The following ITGA1 variants were observed in gnomAD, a reference collection of about 807,000 sequenced individuals.
The protein encoded by ITGA1 is integrin alpha-1.
ITGA1 carries 85 observed loss-of-function variants against 145.9 expected under a neutral mutation model. That is an observed-to-expected ratio of 0.58 (90% CI 0.49 to 0.70). The LOEUF is 0.70. Among genes scored for constraint, ITGA1 ranks in the 30% least tolerant of loss-of-function variants. The pLI is 0.00. For synonymous variants in ITGA1, 520 were observed against 495.3 expected (o/e 1.05, Z -0.66); for missense variants, 1,351 against 1,418.7 (o/e 0.95, Z 0.77).
chr5:52,941,293 T>C (rs1391653765), intron 26 of ITGA1, among the ~76,000 whole-genome samples: 1 of 152,228 alleles, frequency 6.6e-6, no homozygotes, highest in Non-Finnish European at 1.5e-5. Flanking sequence ...ATACACCCAG[T>C]AATGGGATTG....
intron 6 of ITGA1, among the ~76,000 whole-genome samples, chr5:52,879,332 A>G (rs1374295921): frequency 1.3e-5 from 2 of 152,162 alleles, no homozygotes; most frequent in African/African-American, 2.4e-5. Context: ...AAGGGGAAGA[A>G]AAACAAAGCA....
At position 52,915,598 on chromosome 5, in the gene ITGA1, T is replaced by C. The variant is rs1750633992; in HGVS notation, c.1988+4T>C. On this transcript the variant is annotated splice_donor_region_variant and intron_variant, in intron 15 of 28. Coordinates refer to ENST00000282588, the MANE Select transcript of ITGA1 (RefSeq NM_181501.2). Reference sequence around the variant, plus strand: ...TTGGTGGTGCTGCCCTCTTCTGGTATGTATTTTAATAACATCCTGTTAATC... The same window carrying C: ...TTGGTGGTGCTGCCCTCTTCTGGTACGTATTTTAATAACATCCTGTTAATC... The C allele has an allele frequency of 3.7e-6, 6 of 1,613,432 alleles. No individual in the cohort carries two copies. The highest frequency in any genetic ancestry group is 4.2e-6 in the Non-Finnish European group (5 of 1,179,744).
At chr5:52,938,459 A>C (rs2111898296) in intron 24 of ITGA1, among the ~76,000 whole-genome samples, 1 of 152,342 alleles carries the variant, frequency 6.6e-6, no homozygotes, top group Admixed American at 6.5e-5. Flanking sequence ...CCAGAAATCA[A>C]GAAATAGCAA....
At chr5:52,834,560 G>GAGAAAGAGAGA (rs1554042406) in intron 1 of ITGA1, among the ~76,000 whole-genome samples, 2 of 130,690 alleles carry the variant, frequency 1.5e-5, no homozygotes, top group Non-Finnish European at 3.3e-5. Context: ...GAAAGAGAGA[G>GAGAAAGAGAGA]AGAAAGAGAG....
intron 6 of ITGA1, among the ~76,000 whole-genome samples, chr5:52,867,376 G>A (rs1341505193): frequency 6.6e-6 from 1 of 152,118 alleles, no homozygotes; most frequent in Non-Finnish European, 1.5e-5. Context: ...GTTGAAATCA[G>A]TGTAAAATCA....
intron 6 of ITGA1, among the ~76,000 whole-genome samples, chr5:52,869,351 G>C (rs1003436079): frequency 1.3e-5 from 2 of 152,100 alleles, no homozygotes; most frequent in African/African-American, 2.4e-5. Context: ...AGTAGAGATA[G>C]GGTTTCGCCA....
chr5:52,863,521 C>T (rs1173349779), intron 3 of ITGA1, among the ~76,000 whole-genome samples: 2 of 152,120 alleles, frequency 1.3e-5, no homozygotes, highest in Non-Finnish European at 2.9e-5. Flanking sequence ...AACACAAAAG[C>T]ACAAAACTCA....
intron 1 of ITGA1, among the ~76,000 whole-genome samples, chr5:52,832,587 T>A (rs894708164): frequency 2.0e-4 from 31 of 152,280 alleles, no homozygotes; most frequent in African/African-American, 7.5e-4. Flanking sequence ...ATCTCCATAT[T>A]TTCTTACACC....
chr5:52,933,973 A>C lies in ITGA1; in HGVS notation c.2941A>C (p.Asn981His), dbSNP rs755410920. ...TATTAATTCTACTGAGGACATTGGA[A>C]ATGAAATTAATATCTTCTACTTGGT... ...EVINSTEDIG[N>H]EINIFYLIRK... is the part of the protein sequence containing the mutation. The change falls in exon 23 of 29, where the codon AAT becomes CAT. Residue 981 changes from asparagine to histidine, a missense_variant. By Grantham distance (68) the Asn-to-His change is moderately conservative. Coordinates refer to ENST00000282588, the MANE Select transcript of ITGA1 (RefSeq NM_181501.2). 5 of 1,468,476 alleles carry C rather than the reference A, an allele frequency of 3.4e-6. No homozygotes were observed. The highest frequency in any genetic ancestry group is 1.9e-5 in the Admixed American group (1 of 51,988). The allele number at this position is 1,468,476 out of a possible 1,614,324, so 91.0% of individuals were successfully genotyped here.
chr5:52,812,003 G>A (rs1476849479), intron 1 of ITGA1, among the ~76,000 whole-genome samples: 1 of 152,130 alleles, frequency 6.6e-6, no homozygotes, highest in Admixed American at 6.6e-5. Context: ...AGCTCCTCAG[G>A]TGCTTCTTAT....
At chr5:52,899,466 A>G (rs1457659251) in intron 11 of ITGA1, among the ~76,000 whole-genome samples, 1 of 152,194 alleles carries the variant, frequency 6.6e-6, no homozygotes, top group African/African-American at 2.4e-5. Context: ...AAAATCTCTT[A>G]AGACATGTAG....
chr5:52,948,653 C>T (rs1439595258), intron 28 of ITGA1, among the ~76,000 whole-genome samples: 2 of 152,218 alleles, frequency 1.3e-5, no homozygotes, highest in Non-Finnish European at 2.9e-5. Flanking sequence ...GATCAGTGTT[C>T]TCTCTGTAAT....
chr5:52,801,712 A>G (rs1404292810), intron 1 of ITGA1: 4 of 1,613,998 alleles, frequency 2.5e-6, no homozygotes, highest in Non-Finnish European at 8.5e-7. Flanking sequence ...AGGCACCGTT[A>G]GGATATTCTC....
intron 6 of ITGA1, among the ~76,000 whole-genome samples, chr5:52,874,260 T>C (rs1404863933): frequency 6.6e-6 from 1 of 152,116 alleles, no homozygotes; most frequent in Non-Finnish European, 1.5e-5. Flanking sequence ...ACCTGTTCTC[T>C]TGTAGTAACT....
chr5:52,911,598 A>AG lies in ITGA1; in HGVS notation c.1857+1179_1857+1180insG, dbSNP rs1490690655. On this transcript the variant is annotated intron_variant, in intron 14 of 28. Coordinates refer to ENST00000282588, the MANE Select transcript of ITGA1 (RefSeq NM_181501.2). ...ACTATATATATAGTGTATCTACTATATATACTATATATATAGTGTATCTAC... is the reference window on the plus strand; with the variant it reads ...ACTATATATATAGTGTATCTACTATAGTATACTATATATATAGTGTATCTAC... Among the ~76,000 whole-genome samples, 24 of 67,484 alleles carry AG rather than the reference A, an allele frequency of 3.6e-4. 1 individual carries two copies. The highest frequency in any genetic ancestry group is 7.5e-4 in the Non-Finnish European group (23 of 30,672). 44.3% of individuals were successfully genotyped at this position (67,484 alleles called of 152,430 possible).
At chr5:52,788,669 G>A (rs1002941302) in intron 1 of ITGA1, among the ~76,000 whole-genome samples, 1 of 152,158 alleles carries the variant, frequency 6.6e-6, no homozygotes, top group African/African-American at 2.4e-5. Flanking sequence ...AACCTTAGAA[G>A]GTAGAATTCA....
intron 6 of ITGA1, among the ~76,000 whole-genome samples, chr5:52,873,004 T>C (rs1352154773): frequency 3.9e-5 from 6 of 152,324 alleles, no homozygotes; most frequent in Non-Finnish European, 7.4e-5. Context: ...GACGACAGAA[T>C]TGTGCCTTAG....
Position 52,825,746 on chromosome 5 carries a change from C to T in ITGA1, c.62-23619C>T, listed in dbSNP as rs188777732. Among the ~76,000 whole-genome samples, 62 of 152,096 alleles carry T rather than the reference C, an allele frequency of 4.1e-4. No homozygotes were observed. The East Asian group carries it at 4.1e-3, about 10-fold the overall frequency. ...CATTCTGGTCAACATGGTGAAACCCCGTCTCTACTGAAAATGCAAAAATTA... is the reference window on the plus strand; with the variant it reads ...CATTCTGGTCAACATGGTGAAACCCTGTCTCTACTGAAAATGCAAAAATTA... On this transcript the variant is annotated intron_variant, in intron 1 of 28. Coordinates refer to ENST00000282588, the MANE Select transcript of ITGA1 (RefSeq NM_181501.2).
intron 6 of ITGA1, chr5:52,867,260 A>G (rs1749702398): frequency 6.6e-6 from 1 of 152,168 alleles, no homozygotes; most frequent in Admixed American, 6.5e-5. Flanking sequence ...GTTGAACTCA[A>G]ACTTCAAAGT....
Sources: gnomAD v4.1 joint callset for allele counts (sites outside exome capture counted in the v4.1 genomes callset) on GRCh38, gnomAD v4.1.1 for gene constraint, MANE v1.5 for transcripts, NCBI Gene and HGNC (gene_info 2026-07-23, HGNC 2026-07-21) for gene names.